The following GPC3 variants were observed in gnomAD, a reference collection of about 807,000 sequenced individuals.
GPC3 encodes glypican 3, also known as glypican-3.
GPC3 carries 3 observed loss-of-function variants against 34.4 expected under a neutral mutation model. The observed-to-expected ratio is 0.09, with a 90% CI of 0.04 to 0.23. GPC3 has a LOEUF of 0.23. Among genes scored for constraint, GPC3 ranks in the 10% least tolerant of loss-of-function variants. The probability of loss-of-function intolerance (pLI) is 1.00; values close to 1 mark genes in which losing one functional copy is unlikely to be tolerated. For missense variants in GPC3, 351 were observed against 445.6 expected (o/e 0.79, Z 1.91); for synonymous variants, 177 against 174.0 (o/e 1.02, Z -0.13).
intron 1 of GPC3, among the ~76,000 whole-genome samples, chrX:133,974,274 T>A (rs2076505906): frequency 8.9e-6 from 1 of 112,096 alleles, no homozygotes; most frequent in Non-Finnish European, 1.9e-5. Context: ...GGTCTTGAAC[T>A]CTTGGGCTCA....
chrX:133,589,345 T>C (rs931565312), intron 7 of GPC3, among the ~76,000 whole-genome samples: 2 of 111,391 alleles, frequency 1.8e-5, no homozygotes, highest in African/African-American at 6.5e-5. Context: ...TGAATAAGTC[T>C]CATGAGATCT....
At chrX:133,959,168 C>T (rs2076431548) in intron 1 of GPC3, among the ~76,000 whole-genome samples, 1 of 111,530 alleles carries the variant, frequency 9.0e-6, no homozygotes, top group Non-Finnish European at 1.9e-5. Flanking sequence ...TGTGGCTTGG[C>T]CTTCTTGACC....
intron 2 of GPC3, among the ~76,000 whole-genome samples, chrX:133,796,153 G>A (rs1217944136): frequency 1.8e-5 from 2 of 109,759 alleles, no homozygotes; most frequent in African/African-American, 6.6e-5. Context: ...CACCGTGTTA[G>A]CCAGGATGGT....
intron 2 of GPC3, among the ~76,000 whole-genome samples, chrX:133,950,762 T>C (rs2076388951): frequency 8.9e-6 from 1 of 111,961 alleles, no homozygotes; most frequent in African/African-American, 3.2e-5. Context: ...TTTGAAGTCT[T>C]GTCTCTCCAA....
rs947736693 is a variant in GPC3, at chrX:133,684,777, T to C, written c.1292+7592A>G. 2.7e-4 allele frequency among the ~76,000 whole-genome samples: 30 copies of C among 111,413 alleles called. 1 individual carries two copies. The highest frequency in any genetic ancestry group is 2.5e-3 in the Admixed American group (26 of 10,418). Reference sequence around the variant, plus strand: ...TTTTAGCACGAGAGCATGGAAGCGATGTATAGCAACTGCTGCGTACCACTG... The same window carrying C: ...TTTTAGCACGAGAGCATGGAAGCGACGTATAGCAACTGCTGCGTACCACTG... On this transcript the variant is annotated intron_variant, in intron 5 of 7. Coordinates refer to ENST00000370818, the MANE Select transcript of GPC3 (RefSeq NM_004484.4).
intron 5 of GPC3, among the ~76,000 whole-genome samples, chrX:133,666,653 A>G (rs963815636): frequency 6.2e-5 from 7 of 112,405 alleles, no homozygotes; most frequent in Non-Finnish European, 1.3e-4. Context: ...CAGACAAAAT[A>G]TTGAACCAAA....
intron 3 of GPC3, among the ~76,000 whole-genome samples, chrX:133,712,046 C>T (rs1042342741): frequency 2.7e-5 from 3 of 111,827 alleles, no homozygotes; most frequent in Admixed American, 9.5e-5. Flanking sequence ...ACTTATTGGA[C>T]GTATTATACA....
At chrX:133,947,130 T>C (rs1388745788) in intron 2 of GPC3, among the ~76,000 whole-genome samples, 1 of 110,925 alleles carries the variant, frequency 9.0e-6, no homozygotes, top group Non-Finnish European at 1.9e-5. Context: ...TGGGGGCTGG[T>C]GGGGAGGTGG....
intron 1 of GPC3, among the ~76,000 whole-genome samples, chrX:133,970,171 CCTT>C (rs2076484756): frequency 9.0e-6 from 1 of 111,642 alleles, no homozygotes; most frequent in Admixed American, 9.5e-5. Context: ...AGACAGAAAT[CCTT>C]CTTGCTCATT....
At chrX:133,751,122 T>TAAAA (rs1239228848) in intron 3 of GPC3, among the ~76,000 whole-genome samples, 2 of 106,525 alleles carry the variant, frequency 1.9e-5, no homozygotes, top group Non-Finnish European at 3.8e-5. Flanking sequence ...AATAAATAAA[T>TAAAA]AAAAGCACCA....
chrX:133,816,137 A>T (rs993897521), intron 2 of GPC3, among the ~76,000 whole-genome samples: 1 of 110,485 alleles, frequency 9.1e-6, no homozygotes, highest in African/African-American at 3.3e-5. Context: ...TGCAGCCCTT[A>T]CCTCTTAGGC....
chrX:133,650,139 G>A (rs1315209000), intron 6 of GPC3, among the ~76,000 whole-genome samples: 2 of 111,105 alleles, frequency 1.8e-5, no homozygotes, highest in African/African-American at 6.6e-5. Flanking sequence ...GTGAGACATC[G>A]GCCAATAAGG....
intron 5 of GPC3, among the ~76,000 whole-genome samples, chrX:133,687,581 C>T (rs1014487722): frequency 9.4e-6 from 1 of 106,411 alleles, no homozygotes; most frequent in African/African-American, 3.4e-5. Context: ...CCACGACACC[C>T]GGATAATTTT....
Position 133,704,246 on chromosome X carries a change from T to C in GPC3, c.1033-4218A>G, listed in dbSNP as rs774209091. The C allele has an allele frequency of 8.8e-5, 97 of 1,098,659 alleles. 1 individual carries two copies. The South Asian group carries it at 2.0e-3, about 23-fold the overall frequency. The allele number at this position is 1,098,659 out of a possible 1,213,427, so 90.5% of individuals were successfully genotyped here. A position where few individuals can be genotyped will look rare whatever the true frequency, so the allele number is the denominator to read the frequency against. On this transcript the variant is annotated intron_variant, in intron 3 of 7. Coordinates refer to ENST00000370818, the MANE Select transcript of GPC3 (RefSeq NM_004484.4). ...ATACACAGGAAGAAGATAGGATATT[T>C]GAAGTGCCATATTTTCTTCTCAGTT... is the stretch of plus-strand genomic sequence containing the variant.
intron 2 of GPC3, among the ~76,000 whole-genome samples, chrX:133,877,440 G>T (rs1160480404): frequency 1.8e-5 from 2 of 111,771 alleles, no homozygotes; most frequent in African/African-American, 6.5e-5. Context: ...ATAAAACAAG[G>T]ATAATGCCAA....
At chrX:133,877,668 C>T (rs996386267) in intron 2 of GPC3, among the ~76,000 whole-genome samples, 5 of 111,929 alleles carry the variant, frequency 4.5e-5, no homozygotes, top group Admixed American at 2.9e-4. Context: ...TTGCAAAAGT[C>T]AGAAACAATC....
intron 6 of GPC3, among the ~76,000 whole-genome samples, chrX:133,613,071 T>G (rs1424195302): frequency 9.0e-6 from 1 of 111,023 alleles, no homozygotes; most frequent in Non-Finnish European, 1.9e-5. Flanking sequence ...CCCTGTATTA[T>G]AAGAAAAAGG....
At chrX:133,676,098 T>A (rs180845700) in intron 5 of GPC3, among the ~76,000 whole-genome samples, 1 of 112,333 alleles carries the variant, frequency 8.9e-6, no homozygotes, top group African/African-American at 3.2e-5. Context: ...CACACCATCC[T>A]ACATCACAAA....
chrX:133,956,023 T>A (rs1466043671), intron 1 of GPC3, among the ~76,000 whole-genome samples: 1 of 111,666 alleles, frequency 9.0e-6, no homozygotes, highest in Non-Finnish European at 1.9e-5. Flanking sequence ...TTGCCTCACA[T>A]GACATCACTG....
Sources: gnomAD v4.1 joint callset for allele counts (sites outside exome capture counted in the v4.1 genomes callset) on GRCh38, gnomAD v4.1.1 for gene constraint, MANE v1.5 for transcripts, NCBI Gene and HGNC (gene_info 2026-07-23, HGNC 2026-07-21) for gene names.